The following WDFY1 variants were observed in gnomAD, a reference collection of about 807,000 sequenced individuals.
The protein encoded by WDFY1 is WD repeat and FYVE domain-containing protein 1.
Under a neutral mutation model 56.4 loss-of-function variants are expected in WDFY1, and 32 were observed. The ratio of observed to expected loss-of-function variants is 0.57; its 90% CI spans 0.43 to 0.76. The LOEUF is 0.76. Ranked by LOEUF, WDFY1 falls within the 30% of genes least tolerant of loss-of-function variation. WDFY1 has a pLI of 0.00. For missense variants in WDFY1, 480 were observed against 545.7 expected (o/e 0.88, Z 1.20); for synonymous variants, 192 against 197.3 (o/e 0.97, Z 0.23).
At chr2:223,892,267 C>T (rs1693293046) in intron 8 of WDFY1, among the ~76,000 whole-genome samples, 1 of 152,146 alleles carries the variant, frequency 6.6e-6, no homozygotes, top group African/African-American at 2.4e-5. Context: ...TGAGCCACTG[C>T]GCTGGCCACA....
chr2:223,886,539 A>G (rs1201445519), intron 8 of WDFY1, among the ~76,000 whole-genome samples: 1 of 151,998 alleles, frequency 6.6e-6, no homozygotes, highest in Non-Finnish European at 1.5e-5. Flanking sequence ...AGCTTGGCCA[A>G]TGTAGTGAAA....
At chr2:223,943,523 G>C (rs1037285238) in intron 1 of WDFY1, among the ~76,000 whole-genome samples, 2 of 152,158 alleles carry the variant, frequency 1.3e-5, no homozygotes, top group African/African-American at 2.4e-5. Context: ...AATTACAAAA[G>C]GCTAGAGACC....
At chr2:223,937,681 G>C (rs2106104595) in intron 1 of WDFY1, among the ~76,000 whole-genome samples, 1 of 152,282 alleles carries the variant, frequency 6.6e-6, no homozygotes, top group Non-Finnish European at 1.5e-5. Flanking sequence ...GCTATAAAAA[G>C]AAAATGATTG....
chr2:223,901,559 G>A (rs1351133516), intron 4 of WDFY1, among the ~76,000 whole-genome samples: 1 of 152,086 alleles, frequency 6.6e-6, no homozygotes, highest in East Asian at 1.9e-4. Flanking sequence ...CACAGGCATG[G>A]CCACCAGAAG....
At chr2:223,913,736 T>C (rs1026983756) in intron 2 of WDFY1, among the ~76,000 whole-genome samples, 8 of 152,048 alleles carry the variant, frequency 5.3e-5, no homozygotes, top group Middle Eastern at 3.2e-3. Context: ...CCCAACCCTA[T>C]AACAAACAAC....
At chr2:223,901,141 C>T in intron 5 of WDFY1, 42 bp downstream of exon 5, 2 of 1,582,378 alleles carry the variant, frequency 1.3e-6, no homozygotes, top group Non-Finnish European at 1.7e-6. Context: ...CACTGAGAAG[C>T]AGAGGCCAGG....
chr2:223,922,077 C>T (rs1481586378), intron 1 of WDFY1, among the ~76,000 whole-genome samples: 1 of 152,168 alleles, frequency 6.6e-6, no homozygotes, highest in Non-Finnish European at 1.5e-5. Context: ...CCTATGACTC[C>T]CCATCCCAGA....
intron 4 of WDFY1, among the ~76,000 whole-genome samples, chr2:223,904,499 T>C (rs1375809905): frequency 6.6e-6 from 1 of 152,158 alleles, no homozygotes; most frequent in Non-Finnish European, 1.5e-5. Flanking sequence ...GTGATGTACC[T>C]GCCTCAGGCT....
Position 223,945,267 on chromosome 2 carries a change from G to A in WDFY1, c.18C>T (p.His6=), listed in dbSNP as rs781745929. Reference sequence around the variant, plus strand: ...CCGGGCGGCTGCTCTGCGGCCTGGAGTGGATTTCGGCCGCCATGTTCGCGC... The same window carrying A: ...CCGGGCGGCTGCTCTGCGGCCTGGAATGGATTTCGGCCGCCATGTTCGCGC... MAAEI[H]SRPQSSRPVL... The change falls in exon 1 of 12, where the codon CAC becomes CAT. Residue 6 remains histidine, a synonymous_variant. Transcript: ENST00000233055. 4.4e-6 allele frequency: 7 copies of A among 1,579,702 alleles called. No homozygotes were observed. The South Asian group carries it at 7.9e-5, about 18-fold the overall frequency.
intron 6 of WDFY1, among the ~76,000 whole-genome samples, chr2:223,897,595 G>C (rs1310832648): frequency 6.6e-6 from 1 of 151,746 alleles, no homozygotes; most frequent in East Asian, 1.9e-4. Context: ...TGCCAGGCTG[G>C]TCTCAAACTC....
At chr2:223,931,593 G>A in intron 1 of WDFY1, among the ~76,000 whole-genome samples, 1 of 152,094 alleles carries the variant, frequency 6.6e-6, no homozygotes, top group East Asian at 1.9e-4. Flanking sequence ...TACAGTAGGA[G>A]CAAAGATAGA....
Position 223,901,157 on chromosome 2 carries a change from G to C in WDFY1, c.485+26C>G, listed in dbSNP as rs373201149. The C allele has an allele frequency of 2.5e-4, 407 of 1,601,034 alleles. 2 individuals carry two copies. The highest frequency in any genetic ancestry group is 1.2e-4 in the Admixed American group (7 of 59,172). ...ACTGAGAAGCAGAGGCCAGGGGAAGGAGAGGTCCGTGGCTCTGAAGGATAC... is the reference window on the plus strand; with the variant it reads ...ACTGAGAAGCAGAGGCCAGGGGAAGCAGAGGTCCGTGGCTCTGAAGGATAC... On this transcript the variant is annotated intron_variant, in intron 5 of 11. Transcript: ENST00000233055.
chr2:223,938,830 A>C (rs1689246398), intron 1 of WDFY1, among the ~76,000 whole-genome samples: 1 of 150,812 alleles, frequency 6.6e-6, no homozygotes, highest in South Asian at 2.1e-4. Context: ...AGGTGACAAA[A>C]AAAAAGAGGA....
intron 1 of WDFY1, among the ~76,000 whole-genome samples, chr2:223,934,181 C>T (rs1694130258): frequency 6.6e-6 from 1 of 151,066 alleles, no homozygotes; most frequent in Non-Finnish European, 1.5e-5. Flanking sequence ...CTCCGCTTCC[C>T]AAGTTCAAGC....
intron 6 of WDFY1, among the ~76,000 whole-genome samples, chr2:223,898,267 G>C (rs1693433552): frequency 6.6e-6 from 1 of 152,056 alleles, no homozygotes; most frequent in South Asian, 2.1e-4. Flanking sequence ...TCTTCTAATT[G>C]TATTTATCAG....
At chr2:223,914,913 A>C (rs1241412098) in intron 2 of WDFY1, among the ~76,000 whole-genome samples, 1 of 152,180 alleles carries the variant, frequency 6.6e-6, no homozygotes, top group East Asian at 1.9e-4. Flanking sequence ...ATTGGACTGC[A>C]TATAGCAATA....
intron 1 of WDFY1, among the ~76,000 whole-genome samples, chr2:223,928,760 G>A (rs1418863771): frequency 6.6e-6 from 1 of 152,202 alleles, no homozygotes; most frequent in Non-Finnish European, 1.5e-5. Context: ...GGCTTCAGTT[G>A]TCCATCGCTG....
chr2:223,945,266 A>AGCT lies in WDFY1; in HGVS notation c.18_19insAGC (p.Ser7dup). 6.3e-7 allele frequency: 1 copy of AGCT among 1,580,052 alleles called. No homozygotes were observed. The highest frequency in any genetic ancestry group is 8.6e-7 in the Non-Finnish European group (1 of 1,168,948). On this transcript the variant is annotated inframe_insertion, in exon 1 of 12. Coordinates refer to ENST00000233055, the MANE Select transcript of WDFY1 (RefSeq NM_020830.5). Reference sequence around the variant, plus strand: ...ACCGGGCGGCTGCTCTGCGGCCTGGAGTGGATTTCGGCCGCCATGTTCGCG... The same window carrying AGCT: ...ACCGGGCGGCTGCTCTGCGGCCTGGAGCTGTGGATTTCGGCCGCCATGTTCGCG...
chr2:223,930,273 T>G (rs1694052967), intron 1 of WDFY1, among the ~76,000 whole-genome samples: 2 of 152,224 alleles, frequency 1.3e-5, no homozygotes, highest in Admixed American at 1.3e-4. Context: ...GCATCCACGC[T>G]CCTTACAATC....
Sources: gnomAD v4.1 joint callset for allele counts (sites outside exome capture counted in the v4.1 genomes callset) on GRCh38, gnomAD v4.1.1 for gene constraint, MANE v1.5 for transcripts, NCBI Gene and HGNC (gene_info 2026-07-23, HGNC 2026-07-21) for gene names.